DNAH12: variants seen among roughly 807,000 people sequenced by gnomAD.
DNAH12 encodes the protein dynein axonemal heavy chain 12, also known as axonemal beta dynein heavy chain 12.
A neutral mutation model predicts 371.5 loss-of-function variants in DNAH12; 285 were observed. That is an observed-to-expected ratio of 0.77 (90% CI 0.70 to 0.85). The LOEUF (loss-of-function observed/expected upper bound fraction) is 0.85. DNAH12 is among the 40% of genes least tolerant of loss of function. The pLI is 0.00. For synonymous variants in DNAH12, 1,200 were observed against 1,213.0 expected, an observed-to-expected ratio of 0.99 and a Z score of 0.22; for missense variants, 3,611 against 3,689.4, an observed-to-expected ratio of 0.98 and a Z score of 0.55.
chr3:57,497,027 C>T (rs991792111), intron 11 of DNAH12, among the ~76,000 whole-genome samples: 2 of 151,760 alleles, frequency 1.3e-5, no homozygotes, highest in Non-Finnish European at 2.9e-5. Flanking sequence ...TTTTAAGGGA[C>T]AGATTTAGGA....
Position 57,293,833 on chromosome 3 carries a change from G to C in DNAH12, c.11831C>G (p.Thr3944Ser), listed in dbSNP as rs764148541. 2 of 1,550,758 alleles carry C rather than the reference G, an allele frequency of 1.3e-6. No homozygotes were observed. Among genetic ancestry groups the C allele is most frequent in the South Asian group, 2.4e-5 (2 of 83,970 alleles). Residue 3944 changes from threonine (T) to serine (S), a missense_variant, in exon 74 of 74, where the codon ACT becomes AGT. Around this residue, in one of 3 missense-constraint regions of DNAH12, gnomAD observed 2,266 missense variants for 2,236.9 expected, o/e 1.01. Transcript: ENST00000495027. ...IAMLLKTDQP[T>S]RHWIKRGVAL... ...AACCCCGCGCTTGATCCAGTGCCGA[G>C]TAGGTTGGTCTGTTTTTAACAACAT...
chr3:57,459,972 T>C (rs1207566385), intron 19 of DNAH12, among the ~76,000 whole-genome samples, 186 bp from the exon 20 acceptor site: 1 of 152,086 alleles, frequency 6.6e-6, no homozygotes, highest in Non-Finnish European at 1.5e-5. Flanking sequence ...TTTTCCTAAA[T>C]CACTGGAACT....
chr3:57,542,735 A>G lies in DNAH12; in HGVS notation c.136T>C (p.Ser46Pro), dbSNP rs777633807. The change falls in exon 2 of 74, where the codon TCC (serine) becomes CCC (proline). Residue 46 changes from serine (S) to proline (P), a missense_variant. Physicochemically the swap from Ser to Pro is moderately conservative, Grantham distance 74. This residue lies in a region of DNAH12 where 1,314 missense variants were observed against 1,398.7 expected (regional missense o/e 0.94). Transcript: ENST00000495027. The part of the protein sequence containing the change: ...TQSKLLKYRR[S>P]KEQQQKINQL... ...TTAATTTTCTGCTGCTGCTCCTTGG[A>G]TCTTCTGTATTTTAGCAGCTTACTT... 14 of 1,606,638 alleles carry G rather than the reference A, an allele frequency of 8.7e-6. No individual in the cohort carries two copies. The South Asian group carries it at 1.5e-4, about 17-fold the overall frequency.
chr3:57,351,475 G>A (rs2062673871), intron 60 of DNAH12, among the ~76,000 whole-genome samples: 2 of 152,094 alleles, frequency 1.3e-5, no homozygotes, highest in African/African-American at 4.8e-5. Flanking sequence ...AGTGTTCATA[G>A]CACCATTACT....
At chr3:57,424,484 A>AG (rs943670012) in intron 35 of DNAH12, among the ~76,000 whole-genome samples, 2 of 150,548 alleles carry the variant, frequency 1.3e-5, no homozygotes, top group African/African-American at 4.9e-5. Flanking sequence ...AAAAAAAAAA[A>AG]AATTGGATAG....
At chr3:57,369,228 AATAT>A (rs1189250482) in intron 55 of DNAH12, among the ~76,000 whole-genome samples, 11 of 131,724 alleles carry the variant, frequency 8.4e-5, no homozygotes, top group East Asian at 2.9e-4. Context: ...TTAAAAAAAA[AATAT>A]ATATATATAT....
At chr3:57,373,998 G>C (rs1471163616) in intron 55 of DNAH12, among the ~76,000 whole-genome samples, 1 of 152,104 alleles carries the variant, frequency 6.6e-6, no homozygotes, top group Non-Finnish European at 1.5e-5. Context: ...CAAACTTTCA[G>C]GATGTTAGAT....
Position 57,434,156 on chromosome 3 carries a change from T to A in DNAH12, c.4656-328A>T, listed in dbSNP as rs182641704. Among the ~76,000 whole-genome samples, 221 of 152,330 alleles carry A rather than the reference T, an allele frequency of 1.5e-3. 2 individuals carry two copies. The highest frequency in any genetic ancestry group is 5.0e-3 in the African/African-American group (207 of 41,568). ...GGGAAAGATTTATATTCCCAAAGTC[T>A]TCACTTGCCATAAAACTATTAGTGT... is the stretch of plus-strand genomic sequence containing the variant. On this transcript the variant is annotated intron_variant, in intron 30 of 73. Coordinates refer to ENST00000495027, the MANE Select transcript of DNAH12 (RefSeq NM_001366028.2).
chr3:57,466,152 A>T (rs2066196384), intron 17 of DNAH12, among the ~76,000 whole-genome samples: 1 of 152,184 alleles, frequency 6.6e-6, no homozygotes, highest in South Asian at 2.1e-4. Context: ...TATATACAAG[A>T]AGAAAAGGTC....
At chr3:57,472,314 T>G (rs1229163094) in intron 14 of DNAH12, among the ~76,000 whole-genome samples, 1 of 152,174 alleles carries the variant, frequency 6.6e-6, no homozygotes, top group Non-Finnish European at 1.5e-5. Context: ...ATTATTAATT[T>G]ATATAATAGT....
At chr3:57,467,990 A>G (rs1019605206) in intron 17 of DNAH12, among the ~76,000 whole-genome samples, 3 of 152,092 alleles carry the variant, frequency 2.0e-5, no homozygotes, top group Non-Finnish European at 4.4e-5. Context: ...CCCAAAACCA[A>G]TCACTCAGCT....
chr3:57,361,444 C>CTCTATATA (rs2062930045), intron 58 of DNAH12, among the ~76,000 whole-genome samples: 1 of 116,722 alleles, frequency 8.6e-6, no homozygotes. Context: ...CACACACACA[C>CTCTATATA]TATATATATA....
In DNAH12 at chr3:57,405,772, G is replaced by C. The variant is rs782209229; in HGVS notation, c.6457C>G (p.Arg2153Gly). 2 of 1,551,530 alleles carry C rather than the reference G, an allele frequency of 1.3e-6. No homozygotes were observed. Among genetic ancestry groups the C allele is most frequent in the East Asian group, 2.4e-5 (1 of 40,906 alleles). Residue 2153 changes from arginine (R) to glycine (G), a missense_variant, in exon 41 of 74, where the codon CGC becomes GGC. Transcript: ENST00000495027. ...CTTCGATCATCATCATTAATGAGGC[G>C]ATCATAAAACACTCGGAGAACCTCA... Reference protein sequence around the residue: ...VHEVLRVFYDRLINDDDRRWL... With the variant: ...VHEVLRVFYDGLINDDDRRWL...
chr3:57,401,235 T>C (rs1056436014), intron 43 of DNAH12, among the ~76,000 whole-genome samples: 2 of 151,836 alleles, frequency 1.3e-5, no homozygotes, highest in African/African-American at 2.4e-5. Flanking sequence ...GAGGGAAGTT[T>C]GTAGCTGTAA....
At chr3:57,371,623 T>TAC (rs1406035076) in intron 55 of DNAH12, among the ~76,000 whole-genome samples, 2 of 150,962 alleles carry the variant, frequency 1.3e-5, no homozygotes, top group African/African-American at 4.9e-5. Flanking sequence ...ATTGCACTAC[T>TAC]ACACTCCAGC....
At chr3:57,322,219 A>C (rs2061823010) in intron 65 of DNAH12, 124 bp downstream of exon 65, 1 of 1,089,234 alleles carries the variant, frequency 9.2e-7, no homozygotes. Context: ...TCTTGTTAGG[A>C]AATGCGTAAA....
intron 69 of DNAH12, among the ~76,000 whole-genome samples, chr3:57,302,567 A>ATATATATATATATATATATTTTTTTTTT (rs2061380979): frequency 3.6e-5 from 1 of 27,480 alleles, no homozygotes; most frequent in Non-Finnish European, 6.3e-5. Flanking sequence ...ATATATATGT[A>ATATATATATATATATATATTTTTTTTTT]TTTTTTTTTT....
chr3:57,457,815 G>A lies in DNAH12; in HGVS notation c.3242C>T (p.Thr1081Met), dbSNP rs1405256905. 26 of 1,551,564 alleles carry A rather than the reference G, an allele frequency of 1.7e-5. No individual in the cohort carries two copies. Among genetic ancestry groups the A allele is most frequent in the Non-Finnish European group, 2.1e-5 (24 of 1,146,976 alleles). ...TTCCACAGCACCCCGCGCTGCAGAC[G>A]TGGAAATGAGTGCAATCAGCTCCAC... ...ERVELIALIS[T>M]SAARGAVEKW... is the part of the protein sequence containing the mutation. Residue 1081 changes from threonine (T) to methionine (M), a missense_variant, in exon 22 of 74, where the codon ACG becomes ATG. Coordinates refer to ENST00000495027, the MANE Select transcript of DNAH12 (RefSeq NM_001366028.2).
chr3:57,454,680 G>C, intron 23 of DNAH12, 95 bp downstream of exon 23: 1 of 1,474,794 alleles, frequency 6.8e-7, no homozygotes, highest in Non-Finnish European at 9.1e-7. Flanking sequence ...GACTAGCCTG[G>C]GTAGCATAGC....
Sources: gnomAD v4.1 joint callset for allele counts (sites outside exome capture counted in the v4.1 genomes callset) on GRCh38, gnomAD v4.1.1 for gene constraint, gnomAD v4.1.1 regional missense constraint, MANE v1.5 for transcripts, NCBI Gene and HGNC (gene_info 2026-07-23, HGNC 2026-07-21) for gene names.